LARGE1: variants seen among roughly 807,000 people sequenced by gnomAD.
LARGE1 encodes LARGE xylosyl- and glucuronyltransferase 1.
A neutral mutation model predicts 87.6 loss-of-function variants in LARGE1; 43 were observed. That is an observed-to-expected ratio of 0.49 (90% confidence interval 0.38 to 0.63). The LOEUF (loss-of-function observed/expected upper bound fraction) is 0.63. Among genes scored for constraint, LARGE1 ranks in the 30% least tolerant of loss-of-function variants. The pLI is 0.00. For missense variants in LARGE1, 802 were observed against 1,000.2 expected (o/e 0.80, Z 2.67); for synonymous variants, 434 against 394.6 (o/e 1.10, Z -1.18).
At chr22:33,199,044 T>A (rs1476917457) in intron 11 of LARGE1, among the ~76,000 whole-genome samples, 5 of 152,214 alleles carry the variant, frequency 3.3e-5, no homozygotes, top group Non-Finnish European at 5.9e-5. Context: ...TTCTGACTGG[T>A]GTGAGATGGT....
At chr22:33,845,385 C>G in intron 1 of LARGE1, among the ~76,000 whole-genome samples, 1 of 152,168 alleles carries the variant, frequency 6.6e-6, no homozygotes, top group Middle Eastern at 3.4e-3. Context: ...CTCAGCTCAC[C>G]GCAACCTCTA....
intron 1 of LARGE1, among the ~76,000 whole-genome samples, chr22:33,915,990 T>C (rs1439449849): frequency 6.6e-6 from 1 of 152,092 alleles, no homozygotes; most frequent in African/African-American, 2.4e-5. Context: ...GTAATAATAG[T>C]TGAATGTCTG....
At chr22:33,359,961 A>G (rs2064324266) in intron 9 of LARGE1, among the ~76,000 whole-genome samples, 1 of 149,476 alleles carries the variant, frequency 6.7e-6, no homozygotes, top group African/African-American at 2.5e-5. Context: ...GAGCCCATAT[A>G]TGGGACCAAA....
At chr22:33,750,720 G>A (rs1247284904) in intron 2 of LARGE1, 2 of 152,138 alleles carry the variant, frequency 1.3e-5, no homozygotes, top group Non-Finnish European at 2.9e-5. Flanking sequence ...TTAGAGCCGT[G>A]TCATTGCAAG....
At chr22:33,843,137 C>T (rs186710333) in intron 1 of LARGE1, among the ~76,000 whole-genome samples, 149 of 152,286 alleles carry the variant, frequency 9.8e-4, no homozygotes, top group African/African-American at 3.3e-3. Flanking sequence ...CCTTGATTTT[C>T]CGTTCTATCT....
the LARGE1 span, among the ~76,000 whole-genome samples, chr22:33,125,299 A>T: frequency 1.3e-5 from 2 of 152,134 alleles, no homozygotes; most frequent in East Asian, 3.9e-4. Context: ...TGAGAACTAT[A>T]ATCAGAATTT....
At chr22:33,736,014 C>A (rs1476651878) in intron 2 of LARGE1, among the ~76,000 whole-genome samples, 1 of 152,192 alleles carries the variant, frequency 6.6e-6, no homozygotes, top group Non-Finnish European at 1.5e-5. Context: ...TATGGCTAGA[C>A]CACATTTTGT....
chr22:33,514,214 T>C (rs929690731), intron 6 of LARGE1, among the ~76,000 whole-genome samples: 2 of 151,876 alleles, frequency 1.3e-5, no homozygotes, highest in African/African-American at 4.8e-5. Context: ...CCCCTGTGGA[T>C]ACTGAGGGAT....
At chr22:33,342,017 A>T (rs1254599294) in intron 9 of LARGE1, among the ~76,000 whole-genome samples, 1 of 152,198 alleles carries the variant, frequency 6.6e-6, no homozygotes, top group Non-Finnish European at 1.5e-5. Flanking sequence ...GATGAGGCTT[A>T]CATTTCAGGG....
chr22:33,819,537 A>ACCGAGCCT (rs2146244422), intron 1 of LARGE1, among the ~76,000 whole-genome samples: 2 of 152,012 alleles, frequency 1.3e-5, no homozygotes, highest in South Asian at 4.2e-4. Context: ...AAACCTCCCC[A>ACCGAGCCT]CCGAGCCTCC....
chr22:33,708,553 G>A (rs1332877733), intron 2 of LARGE1, among the ~76,000 whole-genome samples: 1 of 152,180 alleles, frequency 6.6e-6, no homozygotes, highest in African/African-American at 2.4e-5. Context: ...TTCTCTTAGA[G>A]TTCTGGAGGT....
intron 2 of LARGE1, chr22:33,733,608 T>G (rs147764267): frequency 6.6e-6 from 1 of 151,762 alleles, no homozygotes; most frequent in African/African-American, 2.4e-5. Context: ...AATGAAGAAA[T>G]CAAGAGACTA....
intron 1 of LARGE1, among the ~76,000 whole-genome samples, chr22:33,780,268 G>A (rs1316007773): frequency 6.6e-6 from 1 of 152,228 alleles, no homozygotes; most frequent in Non-Finnish European, 1.5e-5. Context: ...CACATTCTGA[G>A]GCACTGAGGC....
chr22:33,558,143 C>A (rs527682151), intron 6 of LARGE1, among the ~76,000 whole-genome samples: 1 of 152,118 alleles, frequency 6.6e-6, no homozygotes. Flanking sequence ...ATGTGAGATG[C>A]GTGGAAATCT....
At chr22:33,470,844 A>T (rs1292233035) in intron 6 of LARGE1, among the ~76,000 whole-genome samples, 4 of 152,136 alleles carry the variant, frequency 2.6e-5, no homozygotes, top group South Asian at 2.1e-4. Flanking sequence ...ACCATGCATG[A>T]ATCTGAGAGA....
In LARGE1 at chr22:33,226,706, A is replaced by T. The variant is rs565713495; in HGVS notation, c.1731-59874T>A. On this transcript the variant is annotated intron_variant, in intron 11 of 11. Coordinates refer to the LARGE1 transcript ENST00000608642. ...CCCACCTATGATGAAGATAACCTTT[A>T]AATTATTATTATTATTATTATTTAT... 6.0e-5 allele frequency among the ~76,000 whole-genome samples: 9 copies of T among 150,498 alleles called. No individual in the cohort carries two copies. The East Asian group carries it at 1.7e-3, about 29-fold the overall frequency.
At chr22:33,817,248 T>A (rs2086681728) in intron 1 of LARGE1, among the ~76,000 whole-genome samples, 1 of 152,168 alleles carries the variant, frequency 6.6e-6, no homozygotes, top group Non-Finnish European at 1.5e-5. Context: ...AAGGCACACA[T>A]TTTCAAAGTC....
intron 6 of LARGE1, among the ~76,000 whole-genome samples, chr22:33,535,506 G>A (rs1461177287): frequency 6.6e-6 from 1 of 151,030 alleles, no homozygotes; most frequent in Non-Finnish European, 1.5e-5. Context: ...TCGCACTACT[G>A]TACTCCAACC....
chr22:33,487,130 T>C lies in LARGE1; in HGVS notation c.788-54865A>G, dbSNP rs565176285. 7.9e-5 allele frequency among the ~76,000 whole-genome samples: 12 copies of C among 152,340 alleles called. No individual in the cohort carries two copies. In the East Asian group the frequency reaches 1.5e-3, roughly 20 times the overall value. ...CCCCAACAAACCCCTTAAGAAGGAA[T>C]GTGCTTCAGGGCAACAGTAAACTTA... On this transcript the variant is annotated intron_variant, in intron 6 of 14. Transcript: ENST00000397394.
Sources: allele counts gnomAD v4.1 joint callset (sites outside exome capture counted in the v4.1 genomes callset), GRCh38; gene constraint gnomAD v4.1.1; transcripts MANE v1.5; gene names NCBI Gene and HGNC (gene_info 2026-07-23, HGNC 2026-07-21).